The following PTPRC variants were observed in gnomAD, a reference collection of about 807,000 sequenced individuals.
The protein encoded by PTPRC is protein tyrosine phosphatase receptor type C.
PTPRC carries 44 observed loss-of-function variants against 155.9 expected under a neutral mutation model. The ratio of observed to expected loss-of-function variants is 0.28; its 90% CI spans 0.22 to 0.36. PTPRC has a LOEUF of 0.36. PTPRC is among the 10% of genes least tolerant of loss of function. The pLI is 1.00. For missense variants in PTPRC, 1,401 were observed against 1,564.6 expected, an observed-to-expected ratio of 0.90 and a Z score of 1.76; for synonymous variants, 525 against 533.1, an observed-to-expected ratio of 0.98 and a Z score of 0.21.
chr1:198,679,177 T>C (rs1665137297), intron 2 of PTPRC: 2 of 210,270 alleles, frequency 9.5e-6, no homozygotes, highest in South Asian at 9.2e-5. Flanking sequence ...CACATAGTCG[T>C]CCCACTCAGC....
At chr1:198,730,256 G>C (rs187674804) in intron 17 of PTPRC, among the ~76,000 whole-genome samples, 1 of 152,066 alleles carries the variant, frequency 6.6e-6, no homozygotes, top group Non-Finnish European at 1.5e-5. Flanking sequence ...GGTAATAGCA[G>C]GTACCAGGTC....
intron 2 of PTPRC, among the ~76,000 whole-genome samples, chr1:198,686,718 A>T (rs952368596): frequency 6.6e-6 from 1 of 152,204 alleles, no homozygotes; most frequent in Admixed American, 6.5e-5. Context: ...CAATCTCCAA[A>T]TATTAAATAT....
chr1:198,721,810 C>T (rs1653900600), intron 14 of PTPRC, among the ~76,000 whole-genome samples: 1 of 151,312 alleles, frequency 6.6e-6, no homozygotes, highest in African/African-American at 2.4e-5. Context: ...TTATTATTCT[C>T]TTTTAATGAT....
chr1:198,674,661 T>G (rs1332820948), intron 2 of PTPRC, among the ~76,000 whole-genome samples: 1 of 151,566 alleles, frequency 6.6e-6, no homozygotes, highest in African/African-American at 2.4e-5. Flanking sequence ...AATTTAAAAA[T>G]GAAAGAAAAT....
intron 2 of PTPRC, among the ~76,000 whole-genome samples, chr1:198,640,011 G>A (rs1662484103): frequency 6.6e-6 from 1 of 151,936 alleles, no homozygotes; most frequent in Non-Finnish European, 1.5e-5. Context: ...CCTGGGTGGT[G>A]GGTAAATATT....
intron 2 of PTPRC, among the ~76,000 whole-genome samples, chr1:198,690,212 T>C (rs573816103): frequency 1.3e-5 from 2 of 152,184 alleles, no homozygotes; most frequent in Non-Finnish European, 1.5e-5. Context: ...TCACAAACAA[T>C]GAAGGACACT....
At position 198,732,536 on chromosome 1, in the gene PTPRC, A is replaced by G. The variant is rs760430276; in HGVS notation, c.2122A>G (p.Ile708Val). ...AAACGGAGATGCAGGGTCAAACTAC[A>G]TAAATGCCAGCTATATTGATGTGAG... is the stretch of plus-strand genomic sequence containing the variant. ...EINGDAGSNY[I>V]NASYIDGFKE... Residue 708 changes from isoleucine (I) to valine (V), a missense_variant, in exon 20 of 33, where the codon ATA becomes GTA. Ile to Val is a conservative substitution (Grantham distance 29). Transcript: ENST00000442510. 8.1e-6 allele frequency: 13 copies of G among 1,609,694 alleles called. No individual in the cohort carries two copies. The highest frequency in any genetic ancestry group is 1.7e-5 in the Admixed American group (1 of 59,724).
intron 32 of PTPRC, 107 bp downstream of exon 32, chr1:198,754,511 T>TC: frequency 7.5e-7 from 1 of 1,334,356 alleles, no homozygotes; most frequent in Non-Finnish European, 1.0e-6. Flanking sequence ...TGTTCTTTTT[T>TC]CCCCTTTCCT....
chr1:198,737,552 C>G (rs551378721), intron 23 of PTPRC, among the ~76,000 whole-genome samples: 1 of 151,464 alleles, frequency 6.6e-6, no homozygotes, highest in African/African-American at 2.4e-5. Context: ...CCATGCTGTT[C>G]TGGTTACTAT....
At chr1:198,682,544 C>T (rs1431579565) in intron 2 of PTPRC, among the ~76,000 whole-genome samples, 3 of 152,170 alleles carry the variant, frequency 2.0e-5, no homozygotes, top group Admixed American at 2.0e-4. Flanking sequence ...ATTAAATTCA[C>T]AGACACTCAC....
intron 29 of PTPRC, among the ~76,000 whole-genome samples, chr1:198,751,664 T>C (rs1252477701): frequency 6.6e-6 from 1 of 152,024 alleles, no homozygotes; most frequent in African/African-American, 2.4e-5. Flanking sequence ...TTGTCAGAAA[T>C]TGTGGGGTTG....
At chr1:198,744,547 A>T (rs757095380) in intron 26 of PTPRC, among the ~76,000 whole-genome samples, 18 of 151,844 alleles carry the variant, frequency 1.2e-4, no homozygotes, top group Non-Finnish European at 2.2e-4. Context: ...TAAAAATCGT[A>T]TCTGGTTTTG....
chr1:198,669,495 T>A (rs12401886), intron 2 of PTPRC, among the ~76,000 whole-genome samples: 24,548 of 152,174 alleles, frequency 0.16, 2,086 homozygotes, highest in South Asian at 0.18. Flanking sequence ...GATTTAAATA[T>A]ATGTATTTAT....
rs748901652 is a variant in PTPRC, at chr1:198,639,360, A to T, written c.73+19A>T. The T allele has an allele frequency of 1.3e-6, 2 of 1,552,012 alleles. No homozygotes were observed. The highest frequency in any genetic ancestry group is 2.3e-5 in the East Asian group (1 of 44,106). On this transcript the variant is annotated intron_variant, in intron 2 of 32. Coordinates refer to ENST00000442510, the MANE Select transcript of PTPRC (RefSeq NM_002838.5). ...GTGACAGGTAAGTACAAGGATATTA[A>T]TATTTTTTAAATTATTTTTTCTCTT...
chr1:198,656,653 GTTT>G (rs67367377), intron 2 of PTPRC, among the ~76,000 whole-genome samples: 5 of 141,716 alleles, frequency 3.5e-5, no homozygotes, highest in Middle Eastern at 3.7e-3. Context: ...TTTGTTTTTT[GTTT>G]TTTTTTTTTT....
intron 8 of PTPRC, among the ~76,000 whole-genome samples, chr1:198,705,251 T>C (rs1652881623): frequency 6.6e-6 from 1 of 152,052 alleles, no homozygotes; most frequent in South Asian, 2.1e-4. Context: ...TTTCCATACA[T>C]TTAGTGTAAA....
chr1:198,729,956 C>G (rs183012186), intron 17 of PTPRC, among the ~76,000 whole-genome samples: 2 of 151,992 alleles, frequency 1.3e-5, no homozygotes, highest in African/African-American at 4.8e-5. Context: ...TCCTCAAGTC[C>G]CTGCCAGGGT....
chr1:198,708,528 T>C lies in PTPRC; in HGVS notation c.1033+267T>C, dbSNP rs79544412. The stretch of plus-strand genomic sequence containing the variant: ...TATCTAAAAATTGAAAGTCAATTAA[T>C]TTACAATAATTTTCTTGGCAATTGT... On this transcript the variant is annotated intron_variant, in intron 10 of 32. Transcript: ENST00000442510. Among the ~76,000 whole-genome samples, 826 of 152,334 alleles carry C rather than the reference T, an allele frequency of 5.4e-3. 3 individuals are homozygous for C. The highest frequency in any genetic ancestry group is 9.0e-3 in the Non-Finnish European group (614 of 68,030).
At chr1:198,680,756 G>A (rs1330402384) in intron 2 of PTPRC, among the ~76,000 whole-genome samples, 5 of 152,008 alleles carry the variant, frequency 3.3e-5, no homozygotes, top group Non-Finnish European at 5.9e-5. Flanking sequence ...GGAAAAGGAA[G>A]CCACAGACCA....
Sources: gnomAD v4.1 joint callset for allele counts (sites outside exome capture counted in the v4.1 genomes callset) on GRCh38, gnomAD v4.1.1 for gene constraint, MANE v1.5 for transcripts, NCBI Gene and HGNC (gene_info 2026-07-23, HGNC 2026-07-21) for gene names.